SOX5: variants seen among roughly 807,000 people sequenced by gnomAD.
SOX5 encodes SRY-box transcription factor 5.
Under a neutral mutation model 92.0 loss-of-function variants are expected in SOX5, and 9 were observed. That is an observed-to-expected ratio of 0.10 (90% CI 0.06 to 0.17). The LOEUF (loss-of-function observed/expected upper bound fraction) is 0.17. Ranked by LOEUF, SOX5 falls within the 10% of genes least tolerant of loss-of-function variation. The pLI, the probability that SOX5 is intolerant of heterozygous loss-of-function variation, is 1.00. For synonymous variants in SOX5, 344 were observed against 336.3 expected, an observed-to-expected ratio of 1.02 and a Z score of -0.25; for missense variants, 642 against 944.5, an observed-to-expected ratio of 0.68 and a Z score of 4.20.
intron 4 of SOX5, among the ~76,000 whole-genome samples, chr12:24,110,900 C>CAAAAAAAA (rs67100585): frequency 1.1e-4 from 3 of 27,586 alleles, no homozygotes; most frequent in African/African-American, 1.9e-4. Flanking sequence ...GACTCCACTT[C>CAAAAAAAA]AAAAAAAAAA....
At chr12:24,033,039 A>T (rs1955668450) in intron 4 of SOX5, among the ~76,000 whole-genome samples, 1 of 151,920 alleles carries the variant, frequency 6.6e-6, no homozygotes, top group Non-Finnish European at 1.5e-5. Context: ...CACGTTTGTG[A>T]GGAGGTCTAC....
chr12:24,231,196 T>G (rs1963319876), intron 3 of SOX5, among the ~76,000 whole-genome samples: 1 of 152,220 alleles, frequency 6.6e-6, no homozygotes, highest in Non-Finnish European at 1.5e-5. Flanking sequence ...CTCTTGCTCT[T>G]CAAATTTCAG....
intron 3 of SOX5, among the ~76,000 whole-genome samples, chr12:23,760,551 G>A (rs79013469): frequency 6.6e-6 from 1 of 152,022 alleles, no homozygotes; most frequent in East Asian, 1.9e-4. Flanking sequence ...TCTCACTCTT[G>A]CCTCTTTTGC....
At chr12:23,982,004 A>G (rs1377835224) in intron 4 of SOX5, among the ~76,000 whole-genome samples, 1 of 152,300 alleles carries the variant, frequency 6.6e-6, no homozygotes, top group East Asian at 1.9e-4. Flanking sequence ...GAAGACAAAG[A>G]CCATATCATT....
intron 3 of SOX5, among the ~76,000 whole-genome samples, chr12:24,234,956 C>G (rs1170426883): frequency 6.6e-6 from 1 of 152,082 alleles, no homozygotes. Context: ...AACTTCTTCC[C>G]CATAAGAATT....
At chr12:24,165,441 A>G (rs1953287634) in intron 4 of SOX5, among the ~76,000 whole-genome samples, 1 of 152,162 alleles carries the variant, frequency 6.6e-6, no homozygotes, top group Non-Finnish European at 1.5e-5. Flanking sequence ...ACTATTCTAG[A>G]TTATTTAGAT....
chr12:24,226,613 C>T (rs988724711), intron 3 of SOX5, among the ~76,000 whole-genome samples: 3 of 152,070 alleles, frequency 2.0e-5, no homozygotes, highest in Non-Finnish European at 2.9e-5. Flanking sequence ...TGGGATTACA[C>T]GCACCCGCCA....
At chr12:24,412,780 C>CTTTTTTTTTTT (rs35640190) in intron 1 of SOX5, among the ~76,000 whole-genome samples, 2 of 132,444 alleles carry the variant, frequency 1.5e-5, no homozygotes, top group Non-Finnish European at 1.6e-5. Flanking sequence ...ATTAGATTTT[C>CTTTTTTTTTTT]TTTTTTTTTT....
At chr12:24,224,093 T>G (rs1222639009) in intron 3 of SOX5, among the ~76,000 whole-genome samples, 3 of 152,210 alleles carry the variant, frequency 2.0e-5, no homozygotes, top group Non-Finnish European at 4.4e-5. Context: ...AAGGACATAG[T>G]GTGTCATAAC....
rs532687934 is a variant in SOX5 at position 24,225,989 on chromosome 12, C to T, written c.-76-12572G>A. Among the ~76,000 whole-genome samples the T allele has an allele frequency of 4.5e-4, 69 of 152,248 alleles. No individual in the cohort carries two copies. In the East Asian group the frequency reaches 7.3e-3, roughly 16 times the overall value. On this transcript the variant is annotated intron_variant, in intron 3 of 4. Coordinates refer to the SOX5 transcript ENST00000446891. ...AGTGGGATAGTACCAGTAATATGTA[C>T]AAGTCAGTAGGAATCAATCTCTTAA...
chr12:23,743,706 C>T (rs1461241581), intron 4 of SOX5, among the ~76,000 whole-genome samples: 1 of 152,162 alleles, frequency 6.6e-6, no homozygotes, highest in Non-Finnish European at 1.5e-5. Flanking sequence ...CAAATCAGCA[C>T]ATACTCAACA....
chr12:24,353,624 A>G (rs1029148011), intron 2 of SOX5, among the ~76,000 whole-genome samples: 22 of 151,420 alleles, frequency 1.5e-4, no homozygotes, highest in African/African-American at 5.1e-4. Context: ...TGCATAAGGG[A>G]GCAGTTGCTT....
chr12:24,391,687 GT>G (rs1328635940), intron 1 of SOX5, among the ~76,000 whole-genome samples: 1 of 152,150 alleles, frequency 6.6e-6, no homozygotes, highest in African/African-American at 2.4e-5. Flanking sequence ...ATTAAAAGAA[GT>G]AAATTAATTT....
At chr12:24,368,078 A>G (rs1334651451) in intron 2 of SOX5, 1 of 152,208 alleles carries the variant, frequency 6.6e-6, no homozygotes, top group African/African-American at 2.4e-5. Context: ...GGAAAGATAC[A>G]TTTTATCCCA....
intron 4 of SOX5, among the ~76,000 whole-genome samples, chr12:24,091,875 A>T (rs932873889): frequency 4.0e-5 from 6 of 151,604 alleles, no homozygotes; most frequent in Non-Finnish European, 7.4e-5. Context: ...CTAAAATTCT[A>T]CTCTTCCATT....
At chr12:24,399,013 AT>A (rs1450643874) in intron 1 of SOX5, among the ~76,000 whole-genome samples, 1 of 152,142 alleles carries the variant, frequency 6.6e-6, no homozygotes, top group Non-Finnish European at 1.5e-5. Flanking sequence ...AACCCACTTA[AT>A]TTTAGACCAC....
At chr12:23,947,748 G>A (rs1944838023) in intron 1 of SOX5, among the ~76,000 whole-genome samples, 1 of 151,256 alleles carries the variant, frequency 6.6e-6, no homozygotes, top group African/African-American at 2.4e-5. Flanking sequence ...GATGTTAACA[G>A]ATTTGAGCAT....
At chr12:24,234,816 C>T (rs1594629188) in intron 3 of SOX5, among the ~76,000 whole-genome samples, 1 of 152,118 alleles carries the variant, frequency 6.6e-6, no homozygotes, top group Non-Finnish European at 1.5e-5. Context: ...TGCCCCTGCC[C>T]AGGGGACCTT....
chr12:24,421,930 A>C (rs1965975463), intron 1 of SOX5, among the ~76,000 whole-genome samples: 1 of 152,234 alleles, frequency 6.6e-6, no homozygotes, highest in Non-Finnish European at 1.5e-5. Context: ...GGCCTTCATC[A>C]AACCTGGACA....
Sources: allele counts gnomAD v4.1 joint callset (sites outside exome capture counted in the v4.1 genomes callset), GRCh38; gene constraint gnomAD v4.1.1; transcripts MANE v1.5; gene names NCBI Gene and HGNC (gene_info 2026-07-23, HGNC 2026-07-21).